RPTOR: variants seen among roughly 807,000 people sequenced by gnomAD.
RPTOR encodes regulatory associated protein of MTOR complex 1, also known as regulatory-associated protein of mTOR.
Under a neutral mutation model 169.9 loss-of-function variants are expected in RPTOR, and 21 were observed. That is an observed-to-expected ratio of 0.12 (90% CI 0.09 to 0.18). The LOEUF (loss-of-function observed/expected upper bound fraction) is 0.18, where lower values mean the gene tolerates loss of function less well. Ranked by LOEUF, RPTOR falls within the 10% of genes least tolerant of loss-of-function variation. The pLI is 1.00. For missense variants in RPTOR, 1,133 were observed against 1,855.9 expected (o/e 0.61, Z 7.16); for synonymous variants, 732 against 753.2 (o/e 0.97, Z 0.46).
rs1434040810 is a variant in RPTOR at position 80,746,900 on chromosome 17, T to G, written c.655-7110T>G. Among the ~76,000 whole-genome samples, 1 of 146,796 alleles carries G rather than the reference T, an allele frequency of 6.8e-6. No individual in the cohort carries two copies. Among genetic ancestry groups the G allele is most frequent in the Admixed American group, 6.8e-5 (1 of 14,754 alleles). On this transcript the variant is annotated intron_variant, in intron 5 of 33. Coordinates refer to ENST00000306801, the MANE Select transcript of RPTOR (RefSeq NM_020761.3). This position sits in a 1 kb window ranked among gnomAD's most constrained non-coding sequence, Gnocchi z 4.5. ...CGTTCATTGGCAGAACCCTTTGGCT[T>G]GAATGTCAGGATGTTTTTTAAAAAT...
intron 1 of RPTOR, among the ~76,000 whole-genome samples, chr17:80,558,891 C>G (rs1160318435): frequency 1.3e-5 from 2 of 152,202 alleles, no homozygotes; most frequent in East Asian, 3.8e-4. Flanking sequence ...CTAAAGAAGT[C>G]TCTCAGTCTG....
At position 80,860,589 on chromosome 17, in the gene RPTOR, A is replaced by T. The variant is rs2067906924; in HGVS notation, c.1509+2689A>T. On this transcript the variant is annotated intron_variant, in intron 13 of 33. Transcript: ENST00000306801. This position sits in a 1 kb window ranked among gnomAD's most constrained non-coding sequence, Gnocchi z 5.8. ...CAGCTGAAGTCAGGGGGCAGTGGGG[A>T]GGCTGCTGCCGAAGCGGACGGTGAG... Among the ~76,000 whole-genome samples, 1 of 152,016 alleles carries T rather than the reference A, an allele frequency of 6.6e-6. No individual in the cohort carries two copies. The highest frequency in any genetic ancestry group is 6.5e-5 in the Admixed American group (1 of 15,276).
chr17:80,883,660 GA>G, intron 15 of RPTOR, 120 bp from the exon 16 acceptor site: 1 of 1,282,960 alleles, frequency 7.8e-7, no homozygotes. Context: ...CTAAAATGGG[GA>G]AAATTGAGCA....
intron 4 of RPTOR, among the ~76,000 whole-genome samples, chr17:80,728,360 T>C (rs1218054580): frequency 6.6e-6 from 1 of 152,206 alleles, no homozygotes; most frequent in Non-Finnish European, 1.5e-5. Flanking sequence ...TTAGGTTTTG[T>C]GACTTGCTTA....
intron 10 of RPTOR, among the ~76,000 whole-genome samples, chr17:80,840,720 G>A (rs111219108): frequency 2.0e-5 from 2 of 98,838 alleles, no homozygotes; most frequent in Non-Finnish European, 4.0e-5. Flanking sequence ...CACACCACAC[G>A]GCAGCTCACT....
chr17:80,894,176 C>T (rs1284063475), intron 20 of RPTOR, among the ~76,000 whole-genome samples: 1 of 152,176 alleles, frequency 6.6e-6, no homozygotes, highest in East Asian at 1.9e-4. Flanking sequence ...GAGAGTTCTT[C>T]ATGGTGCTGG....
chr17:80,592,911 G>T (rs2065117748), intron 1 of RPTOR, among the ~76,000 whole-genome samples: 1 of 152,190 alleles, frequency 6.6e-6, no homozygotes, highest in Non-Finnish European at 1.5e-5. Context: ...GGGCAGTGCT[G>T]TCGGAGTCTT....
intron 1 of RPTOR, among the ~76,000 whole-genome samples, chr17:80,568,479 T>A (rs1255043022): frequency 6.6e-6 from 1 of 152,184 alleles, no homozygotes; most frequent in Non-Finnish European, 1.5e-5. Context: ...CTTTTTCTCC[T>A]CCAGCTACTT....
intron 5 of RPTOR, among the ~76,000 whole-genome samples, chr17:80,732,151 TAATA>T (rs1441840853): frequency 6.6e-6 from 1 of 151,358 alleles, no homozygotes. Context: ...TTGCATCAAG[TAATA>T]AATATCGCAA....
Position 80,667,139 on chromosome 17 carries a change from C to G in RPTOR, c.348+23329C>G, listed in dbSNP as rs528371695. On this transcript the variant is annotated intron_variant, in intron 3 of 33. Transcript: ENST00000306801. The stretch of plus-strand genomic sequence containing the variant: ...GCTGATGGTAGGTTCTGCTGGATCC[C>G]TGCCCCGGTGCATGTTGATCTTTCC... Among the ~76,000 whole-genome samples the G allele has an allele frequency of 7.9e-5, 12 of 152,324 alleles. No individual in the cohort carries two copies. The East Asian group carries it at 2.1e-3, about 27-fold the overall frequency.
At chr17:80,694,598 T>C (rs972977542) in intron 3 of RPTOR, among the ~76,000 whole-genome samples, 1 of 152,228 alleles carries the variant, frequency 6.6e-6, no homozygotes, top group African/African-American at 2.4e-5. Context: ...GTTCTCTGCC[T>C]GCCAGGCAGG....
intron 7 of RPTOR, among the ~76,000 whole-genome samples, chr17:80,809,163 G>A (rs748998946): frequency 6.6e-6 from 1 of 152,194 alleles, no homozygotes; most frequent in Admixed American, 6.5e-5. Context: ...CATCCATGTC[G>A]ACACTTGGCA....
chr17:80,563,530 A>T (rs2084528841), intron 1 of RPTOR, among the ~76,000 whole-genome samples: 1 of 128,344 alleles, frequency 7.8e-6, no homozygotes, highest in Non-Finnish European at 1.6e-5. Flanking sequence ...GCGCCACTGC[A>T]TTTCAGCCTG....
At chr17:80,747,541 G>A (rs2066587794) in intron 5 of RPTOR, among the ~76,000 whole-genome samples, 3 of 152,240 alleles carry the variant, frequency 2.0e-5, no homozygotes, top group Admixed American at 2.0e-4. Flanking sequence ...TTGGGATAAA[G>A]CTCTTTCTAC....
intron 5 of RPTOR, among the ~76,000 whole-genome samples, chr17:80,732,498 C>CT (rs1188488654): frequency 1.3e-5 from 2 of 152,012 alleles, no homozygotes; most frequent in East Asian, 1.9e-4. Context: ...TCCCATGCAT[C>CT]TTTTTTAGGA....
intron 9 of RPTOR, among the ~76,000 whole-genome samples, chr17:80,832,159 A>T (rs1298767571): frequency 1.3e-5 from 2 of 152,220 alleles, no homozygotes; most frequent in Non-Finnish European, 1.5e-5. Flanking sequence ...CCCTGGAGGT[A>T]GTTAGGTGTA....
At chr17:80,938,141 C>T (rs1598411759) in intron 24 of RPTOR, among the ~76,000 whole-genome samples, 1 of 152,270 alleles carries the variant, frequency 6.6e-6, no homozygotes, top group Non-Finnish European at 1.5e-5. Flanking sequence ...GTGGGGCCCC[C>T]TGAAACCCCT....
chr17:80,724,850 C>T (rs1197935866), intron 4 of RPTOR, among the ~76,000 whole-genome samples: 1 of 152,218 alleles, frequency 6.6e-6, no homozygotes, highest in African/African-American at 2.4e-5. Flanking sequence ...GCCTTTTCAG[C>T]TGGAGCACGG....
intron 1 of RPTOR, among the ~76,000 whole-genome samples, chr17:80,622,801 G>T (rs948784273): frequency 6.6e-6 from 1 of 152,154 alleles, no homozygotes; most frequent in Non-Finnish European, 1.5e-5. Context: ...TACTCTGGAG[G>T]CTGAGGTGGG....
Sources: gnomAD v4.1 joint callset for allele counts (sites outside exome capture counted in the v4.1 genomes callset) on GRCh38, gnomAD v4.1.1 for gene constraint, Gnocchi (gnomAD v3.1) non-coding constraint, MANE v1.5 for transcripts, NCBI Gene and HGNC (gene_info 2026-07-23, HGNC 2026-07-21) for gene names.